The following COG5 variants were observed in gnomAD, a reference collection of about 807,000 sequenced individuals.
COG5 encodes the protein component of oligomeric golgi complex 5.
In COG5, 86 loss-of-function variants were observed where a neutral mutation model predicts 110.4. The ratio of observed to expected loss-of-function variants is 0.78; its 90% CI spans 0.65 to 0.93. COG5 has a LOEUF of 0.93. COG5 is among the 40% of genes least tolerant of loss of function. COG5 has a pLI of 0.00. For synonymous variants in COG5, 360 were observed against 334.6 expected, an observed-to-expected ratio of 1.08 and a Z score of -0.83; for missense variants, 1,077 against 987.0, an observed-to-expected ratio of 1.09 and a Z score of -1.22.
At chr7:107,371,199 T>C (rs1378692107) in intron 8 of COG5, among the ~76,000 whole-genome samples, 1 of 152,204 alleles carries the variant, frequency 6.6e-6, no homozygotes, top group Non-Finnish European at 1.5e-5. Context: ...TTTAAAAATC[T>C]CTTTAAGACC....
chr7:107,391,357 C>T (rs1790613129), intron 7 of COG5, among the ~76,000 whole-genome samples: 1 of 152,144 alleles, frequency 6.6e-6, no homozygotes, highest in African/African-American at 2.4e-5. Context: ...GAGTTCTAAG[C>T]ATCCTTTGTG....
At chr7:107,455,870 T>C (rs1414233257) in intron 6 of COG5, among the ~76,000 whole-genome samples, 2 of 151,108 alleles carry the variant, frequency 1.3e-5, no homozygotes, top group Non-Finnish European at 3.0e-5. Context: ...CTCTGCACAC[T>C]GCAACCTCTG....
chr7:107,215,403 C>T lies in COG5; in HGVS notation c.2169-4178G>A, dbSNP rs569419897. 1.5e-3 allele frequency among the ~76,000 whole-genome samples: 227 copies of T among 152,164 alleles called. 2 individuals carry two copies. The highest frequency in any genetic ancestry group is 5.2e-3 in the African/African-American group (217 of 41,526). ...ACCCAGCTGGCTGGGTGTGGTGGCT[C>T]ACGCCTGTAATCCCAGCACTTTGGG... On this transcript the variant is annotated intron_variant, in intron 19 of 21. Coordinates refer to ENST00000297135, the MANE Select transcript of COG5 (RefSeq NM_006348.5).
At chr7:107,248,968 A>C (rs932452264) in intron 16 of COG5, among the ~76,000 whole-genome samples, 1 of 152,204 alleles carries the variant, frequency 6.6e-6, no homozygotes, top group Non-Finnish European at 1.5e-5. Flanking sequence ...TCAAGGGTAC[A>C]TGTGCAGATT....
chr7:107,333,511 A>C (rs1452685462), intron 10 of COG5, among the ~76,000 whole-genome samples: 1 of 152,182 alleles, frequency 6.6e-6, no homozygotes, highest in Non-Finnish European at 1.5e-5. Flanking sequence ...AAAAATATTT[A>C]TAATGCAATC....
At chr7:107,488,454 T>C (rs1255091771) in intron 6 of COG5, among the ~76,000 whole-genome samples, 1 of 152,164 alleles carries the variant, frequency 6.6e-6, no homozygotes, top group Non-Finnish European at 1.5e-5. Context: ...CTTTTATTTA[T>C]GAGCATACTA....
In COG5 at chr7:107,548,088, A is replaced by C. The variant is rs147019831; in HGVS notation, c.417+23T>G. 48 of 1,591,210 alleles carry C rather than the reference A, an allele frequency of 3.0e-5. No individual in the cohort carries two copies. In the African/African-American group the frequency reaches 5.4e-4, roughly 18 times the overall value. On this transcript the variant is annotated intron_variant, in intron 5 of 21. Coordinates refer to ENST00000297135, the MANE Select transcript of COG5 (RefSeq NM_006348.5). ...AAAACAAAATGAATAATAAAGTATA[A>C]AGAAATAAAAGTAAGAAACTACCTG...
intron 7 of COG5, among the ~76,000 whole-genome samples, chr7:107,386,288 C>A (rs1018101855): frequency 6.6e-6 from 1 of 150,900 alleles, no homozygotes; most frequent in Non-Finnish European, 1.5e-5. Flanking sequence ...GTCAAGGAGT[C>A]GGGGCCGGGG....
chr7:107,364,493 A>C (rs2129047120), intron 8 of COG5, among the ~76,000 whole-genome samples: 1 of 152,340 alleles, frequency 6.6e-6, no homozygotes, highest in Non-Finnish European at 1.5e-5. Flanking sequence ...AGTGAGACTA[A>C]GAATTTTCTT....
At position 107,442,148 on chromosome 7, in the gene COG5, C is replaced by A. The variant is rs187518284; in HGVS notation, c.539-29516G>T. Among the ~76,000 whole-genome samples, 22 of 152,276 alleles carry A rather than the reference C, an allele frequency of 1.4e-4. No individual in the cohort carries two copies. The East Asian group carries it at 3.3e-3, about 23-fold the overall frequency. On this transcript the variant is annotated intron_variant, in intron 6 of 21. Transcript: ENST00000297135. ...TGGATCATGTTGGCAGACATCCCCC[C>A]CTGTTCTTGTGATAGTCAGTGAGTT...
chr7:107,496,667 A>C (rs1798293408), intron 6 of COG5, among the ~76,000 whole-genome samples: 1 of 150,692 alleles, frequency 6.6e-6, no homozygotes, highest in Non-Finnish European at 1.5e-5. Context: ...CAAAAAAAAA[A>C]CAAAAAACAA....
At chr7:107,286,455 C>T (rs569923578) in intron 12 of COG5, among the ~76,000 whole-genome samples, 2 of 152,272 alleles carry the variant, frequency 1.3e-5, no homozygotes, top group South Asian at 2.1e-4. Context: ...TTCCAATTCA[C>T]CTTCCTTTCA....
At chr7:107,469,660 T>C (rs1363120546) in intron 6 of COG5, among the ~76,000 whole-genome samples, 2 of 152,156 alleles carry the variant, frequency 1.3e-5, no homozygotes, top group South Asian at 2.1e-4. Context: ...TTTCTATTTG[T>C]AGAACAAAGA....
At chr7:107,401,073 G>C (rs1791388559) in intron 7 of COG5, among the ~76,000 whole-genome samples, 1 of 152,060 alleles carries the variant, frequency 6.6e-6, no homozygotes, top group Non-Finnish European at 1.5e-5. Flanking sequence ...CACTACGTAT[G>C]CTGTTTGTTT....
intron 12 of COG5, among the ~76,000 whole-genome samples, chr7:107,294,271 C>G (rs1221729230): frequency 2.0e-5 from 3 of 152,144 alleles, no homozygotes; most frequent in African/African-American, 7.2e-5. Context: ...CTAGTCGTAT[C>G]CTTGATTCCC....
intron 7 of COG5, among the ~76,000 whole-genome samples, chr7:107,397,603 G>A (rs1017808533): frequency 3.9e-5 from 6 of 151,966 alleles, no homozygotes; most frequent in Admixed American, 3.3e-4. Flanking sequence ...GGTGACTACT[G>A]TATCAACTCA....
At chr7:107,438,099 T>C (rs1286520660) in intron 6 of COG5, among the ~76,000 whole-genome samples, 6 of 152,086 alleles carry the variant, frequency 3.9e-5, no homozygotes, top group African/African-American at 1.4e-4. Context: ...TGGATGAAAA[T>C]AAGCATAGTG....
intron 14 of COG5, among the ~76,000 whole-genome samples, chr7:107,277,124 T>C (rs190826614): frequency 6.6e-6 from 1 of 152,288 alleles, no homozygotes; most frequent in Non-Finnish European, 1.5e-5. Context: ...ATAAATAAAA[T>C]ATATTATGCA....
At chr7:107,551,981 T>C (rs747077824) in intron 3 of COG5, among the ~76,000 whole-genome samples, 1 of 152,194 alleles carries the variant, frequency 6.6e-6, no homozygotes, top group Admixed American at 6.5e-5. Context: ...AGGAAAAAAG[T>C]AGCCAGCCTT....
Sources: gnomAD v4.1 joint callset for allele counts (sites outside exome capture counted in the v4.1 genomes callset) on GRCh38, gnomAD v4.1.1 for gene constraint, MANE v1.5 for transcripts, NCBI Gene and HGNC (gene_info 2026-07-23, HGNC 2026-07-21) for gene names.